Variants in DOCK5 observed in about 807,000 individuals in gnomAD.
DOCK5 encodes dedicator of cytokinesis protein 5.
A neutral mutation model predicts 251.8 loss-of-function variants in DOCK5; 142 were observed. That is an observed-to-expected ratio of 0.56 (90% CI 0.49 to 0.65). The LOEUF (loss-of-function observed/expected upper bound fraction) is 0.65. Among genes scored for constraint, DOCK5 ranks in the 30% least tolerant of loss-of-function variants. The pLI is 0.00. For missense variants in DOCK5, 2,111 were observed against 2,312.3 expected, an observed-to-expected ratio of 0.91 and a Z score of 1.79; for synonymous variants, 842 against 835.5, an observed-to-expected ratio of 1.01 and a Z score of -0.13.
chr8:25,342,908 C>T (rs1378379437), intron 25 of DOCK5, among the ~76,000 whole-genome samples: 8 of 150,980 alleles, frequency 5.3e-5, no homozygotes, highest in African/African-American at 1.5e-4. Flanking sequence ...GGTTTCACCA[C>T]GTTAGCCAGG....
chr8:25,247,131 C>G (rs1021256595), intron 2 of DOCK5, among the ~76,000 whole-genome samples: 4 of 152,156 alleles, frequency 2.6e-5, no homozygotes, highest in Non-Finnish European at 4.4e-5. Flanking sequence ...CTCAAATGAT[C>G]CTCCTGCCTC....
At chr8:25,279,781 AT>A (rs59363613) in intron 5 of DOCK5, among the ~76,000 whole-genome samples, 3,017 of 143,312 alleles carry the variant, frequency 0.021, 58 homozygotes, top group African/African-American at 0.058. Context: ...CGCCTGGCTA[AT>A]TTTTTTTTTT....
At position 25,308,774 on chromosome 8, in the gene DOCK5, T is replaced by C; in HGVS notation, c.1050-9T>C. The C allele has an allele frequency of 6.2e-7, 1 of 1,613,292 alleles. No homozygotes were observed. Among genetic ancestry groups the C allele is most frequent in the African/African-American group, 1.3e-5 (1 of 75,036 alleles). On this transcript the variant is annotated splice_polypyrimidine_tract_variant and intron_variant, in intron 11 of 51. Coordinates refer to ENST00000276440, the MANE Select transcript of DOCK5 (RefSeq NM_024940.8). ...CCTCCCACCTTACCTCTTATTTCTC[T>C]TTCCCAAGAATTGCGATGGAAACCT...
intron 37 of DOCK5, 92 bp downstream of exon 37, chr8:25,374,746 A>C: frequency 6.2e-7 from 1 of 1,608,958 alleles, no homozygotes; most frequent in South Asian, 1.1e-5. Context: ...ATGGGAAAGA[A>C]CTTTATTCCA....
At chr8:25,215,039 C>A (rs1802205198) in intron 1 of DOCK5, among the ~76,000 whole-genome samples, 1 of 152,170 alleles carries the variant, frequency 6.6e-6, no homozygotes, top group Admixed American at 6.5e-5. Flanking sequence ...AAGGGTGAGA[C>A]ATGATCTGTG....
At position 25,369,461 on chromosome 8, in the gene DOCK5, C is replaced by A. The variant is rs535737358; in HGVS notation, c.3439-95C>A. On this transcript the variant is annotated intron_variant, in intron 33 of 51. Transcript: ENST00000276440. ...CCCTGTCTGTGCTGGAAACAGTTCA[C>A]AACTCAGCGAATGGGTTGGCCAAGT... 14 of 1,031,068 alleles carry A rather than the reference C, an allele frequency of 1.4e-5. No homozygotes were observed. In the South Asian group the frequency reaches 1.8e-4, roughly 13 times the overall value. 63.9% of individuals were successfully genotyped at this position (1,031,068 alleles called of 1,614,324 possible). A position where few individuals can be genotyped will look rare whatever the true frequency, so the allele number is the denominator to read the frequency against.
chr8:25,365,250 G>T (rs1156262820), intron 30 of DOCK5, among the ~76,000 whole-genome samples: 16 of 152,132 alleles, frequency 1.1e-4, no homozygotes, highest in African/African-American at 3.9e-4. Flanking sequence ...TTGCGCCCTG[G>T]TAGGGGCATT....
chr8:25,374,935 A>T, intron 37 of DOCK5: 1 of 1,246,462 alleles, frequency 8.0e-7, no homozygotes, highest in Non-Finnish European at 1.0e-6. Flanking sequence ...ACATTGATGA[A>T]TACATAAAAA....
intron 45 of DOCK5, among the ~76,000 whole-genome samples, chr8:25,396,867 T>A (rs1563230382): frequency 6.6e-6 from 1 of 151,822 alleles, no homozygotes; most frequent in Non-Finnish European, 1.5e-5. Flanking sequence ...AATTGGCCAC[T>A]GTGTGCTCTG....
chr8:25,368,548 A>G, intron 32 of DOCK5, 23 bp from the exon 33 acceptor site: 1 of 1,570,110 alleles, frequency 6.4e-7, no homozygotes, highest in East Asian at 2.3e-5. Context: ...ATTTTTTAAT[A>G]TCTTCATTCA....
At chr8:25,247,625 C>T (rs972770444) in intron 2 of DOCK5, among the ~76,000 whole-genome samples, 3 of 128,982 alleles carry the variant, frequency 2.3e-5, no homozygotes, top group African/African-American at 1.3e-4. Flanking sequence ...TTTTAAGTGT[C>T]TCACTATACT....
At position 25,414,001 on chromosome 8, in the gene DOCK5, T is replaced by C. The variant is rs527565737; in HGVS notation, c.*2703T>C. 1 of 152,218 alleles carries C rather than the reference T, an allele frequency of 6.6e-6. No individual in the cohort carries two copies. Among genetic ancestry groups the C allele is most frequent in the South Asian group, 2.1e-4 (1 of 4,814 alleles). 9.4% of individuals were successfully genotyped at this position (152,218 alleles called of 1,614,324 possible). On this transcript the variant is annotated 3_prime_UTR_variant, in exon 52 of 52. Coordinates refer to ENST00000276440, the MANE Select transcript of DOCK5 (RefSeq NM_024940.8). ...AGGAGGAAAAAAGAGAAAGAATTGG[T>C]CTTTATTTTTCTTGCTAAGAACTCT...
intron 35 of DOCK5, 108 bp downstream of exon 35, chr8:25,372,826 C>T (rs1187105825): frequency 9.0e-7 from 1 of 1,107,054 alleles, no homozygotes; most frequent in Non-Finnish European, 1.3e-6. Flanking sequence ...CCTGAGGCAC[C>T]TTTGTGGAGC....
chr8:25,405,404 A>G (rs1284803116), intron 48 of DOCK5, among the ~76,000 whole-genome samples: 2 of 152,016 alleles, frequency 1.3e-5, no homozygotes, highest in East Asian at 1.9e-4. Flanking sequence ...TTCTTCTTAT[A>G]ACATTTAGTG....
chr8:25,274,233 C>T (rs1022295063), intron 3 of DOCK5, among the ~76,000 whole-genome samples: 2 of 152,150 alleles, frequency 1.3e-5, no homozygotes, highest in African/African-American at 2.4e-5. Flanking sequence ...TATATGCCTC[C>T]GGGCACTGGG....
At chr8:25,273,538 G>A (rs1314008178) in intron 3 of DOCK5, among the ~76,000 whole-genome samples, 3 of 152,258 alleles carry the variant, frequency 2.0e-5, no homozygotes, top group Admixed American at 2.0e-4. Flanking sequence ...GGAGGGCGGA[G>A]GTTGCAGTGA....
chr8:25,294,320 A>G (rs1211556592), intron 6 of DOCK5, among the ~76,000 whole-genome samples: 2 of 152,166 alleles, frequency 1.3e-5, no homozygotes, highest in African/African-American at 4.8e-5. Context: ...TGCCAGATCA[A>G]ATCACTTGAT....
intron 22 of DOCK5, among the ~76,000 whole-genome samples, chr8:25,337,625 G>A (rs1177909316): frequency 7.1e-5 from 10 of 141,584 alleles, no homozygotes; most frequent in East Asian, 2.1e-4. Flanking sequence ...TTGCTCTGTC[G>A]CCCAGGCTGG....
chr8:25,239,341 A>ATG (rs55869213), intron 1 of DOCK5, among the ~76,000 whole-genome samples: 60,268 of 142,078 alleles, frequency 0.42, 13,289 homozygotes, highest in Middle Eastern at 0.51. Context: ...GTGTGTGTGT[A>ATG]TGTGTGTGTG....
Sources: allele counts gnomAD v4.1 joint callset (sites outside exome capture counted in the v4.1 genomes callset), GRCh38; gene constraint gnomAD v4.1.1; transcripts MANE v1.5; gene names NCBI Gene and HGNC (gene_info 2026-07-23, HGNC 2026-07-21).